Variants in DCDC2C observed in about 807,000 individuals in gnomAD.
DCDC2C encodes the protein doublecortin domain-containing protein 2C.
Under a neutral mutation model 45.0 loss-of-function variants are expected in DCDC2C, and 44 were observed. That is an observed-to-expected ratio of 0.98 (90% CI 0.77 to 1.26). The LOEUF (loss-of-function observed/expected upper bound fraction) is 1.26. DCDC2C is among the 50% of genes most tolerant of loss of function. The pLI is 0.00. For missense variants in DCDC2C, 447 were observed against 468.9 expected (o/e 0.95, Z 0.43); for synonymous variants, 187 against 178.8 (o/e 1.05, Z -0.37).
At chr2:3,726,906 T>G in intron 2 of DCDC2C, 97 bp from the exon 3 acceptor site, 1 of 1,109,482 alleles carries the variant, frequency 9.0e-7, no homozygotes, top group Non-Finnish European at 1.3e-6. Context: ...GTTCCCCCCC[T>G]TTCTTATGTT....
chr2:3,801,911 C>A (rs1253994697), intron 10 of DCDC2C, among the ~76,000 whole-genome samples: 1 of 152,244 alleles, frequency 6.6e-6, no homozygotes, highest in East Asian at 1.9e-4. Flanking sequence ...CTTTGAGGTT[C>A]AGCTGTCCTT....
intron 2 of DCDC2C, among the ~76,000 whole-genome samples, chr2:3,719,260 T>C (rs1668430194): frequency 6.6e-6 from 1 of 152,154 alleles, no homozygotes; most frequent in Non-Finnish European, 1.5e-5. Context: ...AATTTTTTTG[T>C]ATTTTTAATA....
intron 10 of DCDC2C, among the ~76,000 whole-genome samples, chr2:3,785,846 C>T (rs1303133509): frequency 6.6e-6 from 1 of 152,272 alleles, no homozygotes; most frequent in South Asian, 2.1e-4. Flanking sequence ...CTAACTGAAG[C>T]CAGCGTCTGC....
chr2:3,739,290 A>T (rs1669123853), intron 3 of DCDC2C, among the ~76,000 whole-genome samples: 2 of 152,160 alleles, frequency 1.3e-5, no homozygotes, highest in African/African-American at 2.4e-5. Flanking sequence ...ACTGCTGGGG[A>T]CAGGAGGGCA....
At chr2:3,733,868 G>T (rs1047311846) in intron 3 of DCDC2C, among the ~76,000 whole-genome samples, 2 of 152,202 alleles carry the variant, frequency 1.3e-5, no homozygotes, top group East Asian at 1.9e-4. Flanking sequence ...CCCACCAGGG[G>T]TCTGGGACCT....
chr2:3,725,173 C>T (rs1028927889), intron 2 of DCDC2C, among the ~76,000 whole-genome samples: 3 of 152,118 alleles, frequency 2.0e-5, no homozygotes, highest in Admixed American at 6.5e-5. Context: ...AGGAAGGACA[C>T]CAAATGAATT....
intron 2 of DCDC2C, among the ~76,000 whole-genome samples, chr2:3,725,687 GGTGGATCCCAGAGGGAGATGAGCAA>G (rs1668644432): frequency 6.6e-6 from 1 of 151,174 alleles, no homozygotes; most frequent in Non-Finnish European, 1.5e-5. Context: ...GAGGCTGCCA[GGTGGATCCCAGAGGGAGATGAGCAA>G]AGAGTGACGA....
At chr2:3,776,664 C>T (rs979220817) in intron 8 of DCDC2C, among the ~76,000 whole-genome samples, 49 of 152,342 alleles carry the variant, frequency 3.2e-4, no homozygotes, top group African/African-American at 8.2e-4. Context: ...GGCATCTTCT[C>T]CTCTCACTCT....
chr2:3,710,229 T>C (rs1668169059), intron 2 of DCDC2C, among the ~76,000 whole-genome samples: 1 of 152,180 alleles, frequency 6.6e-6, no homozygotes, highest in Admixed American at 6.5e-5. Context: ...CAGGAGTACA[T>C]GTGCAGGATG....
chr2:3,793,455 T>G (rs1670876596), intron 10 of DCDC2C, among the ~76,000 whole-genome samples: 1 of 152,150 alleles, frequency 6.6e-6, no homozygotes, highest in African/African-American at 2.4e-5. Flanking sequence ...AGCTGACAAA[T>G]GCGCCTGTGC....
At chr2:3,799,335 A>T (rs1399721980) in intron 10 of DCDC2C, among the ~76,000 whole-genome samples, 1 of 152,104 alleles carries the variant, frequency 6.6e-6, no homozygotes, top group Non-Finnish European at 1.5e-5. Context: ...TGTAGCTTGG[A>T]GTAATTTGAT....
intron 10 of DCDC2C, among the ~76,000 whole-genome samples, chr2:3,810,315 G>T (rs1166934604): frequency 6.6e-6 from 1 of 152,150 alleles, no homozygotes; most frequent in Non-Finnish European, 1.5e-5. Flanking sequence ...ATCTCATTGT[G>T]GTTTTGATTT....
intron 10 of DCDC2C, among the ~76,000 whole-genome samples, chr2:3,839,135 T>C (rs1361111799): frequency 6.6e-6 from 1 of 152,214 alleles, no homozygotes; most frequent in East Asian, 1.9e-4. Context: ...GAATTCAAAC[T>C]ACTTTTTGAT....
chr2:3,779,439 C>T (rs558531624), intron 9 of DCDC2C, among the ~76,000 whole-genome samples: 40 of 152,238 alleles, frequency 2.6e-4, no homozygotes, highest in African/African-American at 8.7e-4. Flanking sequence ...ATGCAGGGAG[C>T]GTGTGTCTGT....
chr2:3,767,293 G>T (rs746646307), intron 6 of DCDC2C, among the ~76,000 whole-genome samples: 2 of 152,154 alleles, frequency 1.3e-5, no homozygotes. Context: ...AAAGTAAACC[G>T]CCACATGGCT....
chr2:3,703,904 G>A lies in DCDC2C; in HGVS notation c.153G>A (p.Thr51=). Residue 51 remains threonine (T), a synonymous_variant, in exon 1 of 11, where the codon ACG becomes ACA. Coordinates refer to ENST00000399143, the MANE Select transcript of DCDC2C (RefSeq NM_001287444.2). The surrounding 1 kb of genome is among the most constrained non-coding windows in gnomAD (Gnocchi z 4.4). ...TCGAGGCGCTGCTGGAGCAGCTCAC[G>A]GAGCAGGTGGACGTCCCGTTCGGCG... is the stretch of plus-strand genomic sequence containing the variant. The part of the protein sequence containing the change: ...ATFEALLEQL[T]EQVDVPFGVR... The A allele has an allele frequency of 2.2e-6, 3 of 1,337,612 alleles. No homozygotes were observed. The highest frequency in any genetic ancestry group is 2.9e-6 in the Non-Finnish European group (3 of 1,039,788). 82.9% of individuals were successfully genotyped at this position (1,337,612 alleles called of 1,614,324 possible).
At chr2:3,704,086 CTT>C in intron 1 of DCDC2C, 48 bp downstream of exon 1, 2 of 1,233,930 alleles carry the variant, frequency 1.6e-6, no homozygotes, top group Non-Finnish European at 2.0e-6. Flanking sequence ...TCCCCGCCCT[CTT>C]GGGTCTGAGC....
chr2:3,789,972 T>C (rs775869010), intron 10 of DCDC2C, among the ~76,000 whole-genome samples: 2 of 152,236 alleles, frequency 1.3e-5, no homozygotes, highest in Non-Finnish European at 2.9e-5. Flanking sequence ...ATGCTTATTT[T>C]CTTACAACAA....
At chr2:3,770,079 C>G (rs984207740) in intron 8 of DCDC2C, among the ~76,000 whole-genome samples, 10 of 152,198 alleles carry the variant, frequency 6.6e-5, no homozygotes, top group Non-Finnish European at 1.5e-4. Context: ...AGCACTTGGG[C>G]AAATGGCAGA....
Sources: allele counts gnomAD v4.1 joint callset (sites outside exome capture counted in the v4.1 genomes callset), GRCh38; gene constraint gnomAD v4.1.1; non-coding constraint Gnocchi (gnomAD v3.1); transcripts MANE v1.5; gene names NCBI Gene and HGNC (gene_info 2026-07-23, HGNC 2026-07-21).